The following PCDHGB2 variants were observed in gnomAD, a reference collection of about 807,000 sequenced individuals.
PCDHGB2 encodes the protein protocadherin gamma-B2.
PCDHGB2 carries 55 observed loss-of-function variants against 59.3 expected under a neutral mutation model. The ratio of observed to expected loss-of-function variants is 0.93; its 90% CI spans 0.75 to 1.16. The LOEUF (loss-of-function observed/expected upper bound fraction) is 1.16. Ranked by LOEUF, PCDHGB2 falls within the 50% of genes most tolerant of loss-of-function variation. PCDHGB2 has a pLI of 0.00. For missense variants in PCDHGB2, 1,228 were observed against 1,198.5 expected (o/e 1.02, Z -0.36); for synonymous variants, 516 against 512.0 (o/e 1.01, Z -0.11).
chr5:141,479,003 C>T (rs2099485569), intron 1 of PCDHGB2, among the ~76,000 whole-genome samples: 1 of 152,176 alleles, frequency 6.6e-6, no homozygotes, highest in South Asian at 2.1e-4. Context: ...AAACTAATAG[C>T]TTTTTGATAA....
chr5:141,393,098 C>G (rs1172367083), intron 1 of PCDHGB2: 1 of 1,613,610 alleles, frequency 6.2e-7, no homozygotes, highest in African/African-American at 1.3e-5. Flanking sequence ...GGGAGGAGCT[C>G]TGCGCTCAGA....
At chr5:141,385,499 A>G in intron 1 of PCDHGB2, 1 of 1,381,812 alleles carries the variant, frequency 7.2e-7, no homozygotes, top group Non-Finnish European at 9.4e-7. Context: ...AGGATATAGT[A>G]TTTCTTTAGT....
intron 1 of PCDHGB2, among the ~76,000 whole-genome samples, chr5:141,382,107 C>T (rs1777954814): frequency 6.6e-6 from 1 of 152,002 alleles, no homozygotes; most frequent in Non-Finnish European, 1.5e-5. Flanking sequence ...GGATTACAGG[C>T]GTGAGCAACA....
At chr5:141,421,144 G>A (rs1241874764) in intron 1 of PCDHGB2, 1 of 999,180 alleles carries the variant, frequency 1.0e-6, no homozygotes, top group African/African-American at 1.6e-5. Flanking sequence ...TTTGGATGTA[G>A]TCGGCCTAGG....
chr5:141,413,050 G>C (rs868475186), intron 1 of PCDHGB2: 5 of 939,920 alleles, frequency 5.3e-6, no homozygotes, highest in Middle Eastern at 3.3e-4. Flanking sequence ...CTGCAGGGAA[G>C]CTCACTCCAG....
Position 141,490,013 on chromosome 5 carries a change from G to A in PCDHGB2, c.2422-4794G>A. 6.2e-7 allele frequency: 1 copy of A among 1,614,206 alleles called. No individual in the cohort carries two copies. The highest frequency in any genetic ancestry group is 1.1e-5 in the South Asian group (1 of 91,088). Reference sequence around the variant, plus strand: ...GGAATCCCAGAGAATGCACCCATTGGTACTCTGCTGCTCCGCCTCAATGCC... The same window carrying A: ...GGAATCCCAGAGAATGCACCCATTGATACTCTGCTGCTCCGCCTCAATGCC... On this transcript the variant is annotated intron_variant, in intron 1 of 3. Transcript: ENST00000522605. This position sits in a 1 kb window ranked among gnomAD's most constrained non-coding sequence, Gnocchi z 5.4.
rs776975666 is a variant in PCDHGB2 at position 141,432,850 on chromosome 5, G to A, written c.2422-61957G>A. The A allele has an allele frequency of 6.2e-7, 1 of 1,614,170 alleles. No homozygotes were observed. The highest frequency in any genetic ancestry group is 1.1e-5 in the South Asian group (1 of 91,088). ...TCACTCTGTACCTGGTGGTAGCGGT[G>A]GCCGCGGTCTCCTGCGTCTTCCTGG... is the stretch of plus-strand genomic sequence containing the variant. On this transcript the variant is annotated intron_variant, in intron 1 of 3. Coordinates refer to ENST00000522605, the MANE Select transcript of PCDHGB2 (RefSeq NM_018923.3). The surrounding 1 kb of genome is among the most constrained non-coding windows in gnomAD (Gnocchi z 6.0).
chr5:141,390,183 T>C (rs532412915), intron 1 of PCDHGB2: 2 of 1,614,034 alleles, frequency 1.2e-6, no homozygotes, highest in Admixed American at 1.7e-5. Context: ...TTTCCTAAAA[T>C]GTAGTGAGCA....
intron 1 of PCDHGB2, chr5:141,405,207 C>A (rs767001796): frequency 6.2e-7 from 1 of 1,613,292 alleles, no homozygotes; most frequent in Non-Finnish European, 8.5e-7. Flanking sequence ...TTCCTACAGA[C>A]CTATTCTCAG....
At chr5:141,479,620 G>A (rs2099501211) in intron 1 of PCDHGB2, 2 of 152,192 alleles carry the variant, frequency 1.3e-5, no homozygotes, top group African/African-American at 4.8e-5. Context: ...GGGAAACCAT[G>A]TCTCTTTAAC....
intron 1 of PCDHGB2, chr5:141,364,442 G>C (rs755897877): frequency 2.5e-6 from 4 of 1,613,950 alleles, no homozygotes; most frequent in Non-Finnish European, 1.7e-6. Context: ...GATGCCGGAG[G>C]AGCTGGACAA....
chr5:141,478,381 C>T (rs931860600), intron 1 of PCDHGB2: 22 of 1,613,664 alleles, frequency 1.4e-5, no homozygotes, highest in Non-Finnish European at 1.8e-5. Flanking sequence ...TGTCGCCGCA[C>T]CTTTACCATC....
chr5:141,399,618 G>A, intron 1 of PCDHGB2: 1 of 1,613,914 alleles, frequency 6.2e-7, no homozygotes, highest in Non-Finnish European at 8.5e-7. Context: ...CTCTGGCACT[G>A]GCCTCTTACG....
chr5:141,416,996 C>T (rs1280099812), intron 1 of PCDHGB2: 1 of 151,012 alleles, frequency 6.6e-6, no homozygotes. Flanking sequence ...GTGCATTCAT[C>T]TCAAATAATT....
chr5:141,405,770 G>T (rs989163026), intron 1 of PCDHGB2, among the ~76,000 whole-genome samples: 1 of 152,032 alleles, frequency 6.6e-6, no homozygotes. Context: ...GAGCCACTGC[G>T]CCTGGCCCTT....
At chr5:141,473,853 C>T (rs2099329853) in intron 1 of PCDHGB2, among the ~76,000 whole-genome samples, 1 of 152,128 alleles carries the variant, frequency 6.6e-6, no homozygotes, top group Non-Finnish European at 1.5e-5. Flanking sequence ...GGAAGATGAA[C>T]CTCGCTATTG....
chr5:141,477,059 A>T lies in PCDHGB2; in HGVS notation c.2422-17748A>T. The T allele has an allele frequency of 6.2e-7, 1 of 1,614,238 alleles. No homozygotes were observed. Among genetic ancestry groups the T allele is most frequent in the Non-Finnish European group, 8.5e-7 (1 of 1,180,036 alleles). ...CAAGGGTCGGCTGGACTTCGAGGAC[A>T]CCAAACTCCATGAGATTTACATCCA... On this transcript the variant is annotated intron_variant, in intron 1 of 3. Transcript: ENST00000522605. The surrounding 1 kb of genome is among the most constrained non-coding windows in gnomAD (Gnocchi z 4.9).
chr5:141,405,330 T>A, intron 1 of PCDHGB2: 1 of 1,614,206 alleles, frequency 6.2e-7, no homozygotes. Flanking sequence ...CCTTTGTGCG[T>A]CTCTGTTGAT....
rs967535805 is a variant in PCDHGB2 at position 141,490,206 on chromosome 5, C to T, written c.2422-4601C>T. 2.4e-5 allele frequency: 38 copies of T among 1,614,050 alleles called. No homozygotes were observed. In the Admixed American group the frequency reaches 5.0e-4, roughly 21 times the overall value. ...GTTTCTATGAAATTCATGCAAGAGCCCGTGACCAGGGACAGCCTGCCATGG... is the reference window on the plus strand; with the variant it reads ...GTTTCTATGAAATTCATGCAAGAGCTCGTGACCAGGGACAGCCTGCCATGG... On this transcript the variant is annotated intron_variant, in intron 1 of 3. Coordinates refer to ENST00000522605, the MANE Select transcript of PCDHGB2 (RefSeq NM_018923.3). This position sits in a 1 kb window ranked among gnomAD's most constrained non-coding sequence, Gnocchi z 5.4.
Sources: gnomAD v4.1 joint callset for allele counts (sites outside exome capture counted in the v4.1 genomes callset) on GRCh38, gnomAD v4.1.1 for gene constraint, Gnocchi (gnomAD v3.1) non-coding constraint, MANE v1.5 for transcripts, NCBI Gene and HGNC (gene_info 2026-07-23, HGNC 2026-07-21) for gene names.